SENP6: variants seen among roughly 807,000 people sequenced by gnomAD.
The protein encoded by SENP6 is sentrin-specific protease 6.
A neutral mutation model predicts 134.5 loss-of-function variants in SENP6; 41 were observed. That is an observed-to-expected ratio of 0.30 (90% confidence interval 0.24 to 0.40). The LOEUF is 0.40. Ranked by LOEUF, SENP6 falls within the 10% of genes least tolerant of loss-of-function variation. SENP6 has a pLI of 1.00. For missense variants in SENP6, 1,248 were observed against 1,312.5 expected, an observed-to-expected ratio of 0.95 and a Z score of 0.76; for synonymous variants, 395 against 429.8, an observed-to-expected ratio of 0.92 and a Z score of 1.00.
intron 16 of SENP6, among the ~76,000 whole-genome samples, chr6:75,693,406 A>T (rs1213452490): frequency 8.1e-6 from 1 of 122,892 alleles, no homozygotes; most frequent in Non-Finnish European, 1.8e-5. Flanking sequence ...TCAGTCTGAA[A>T]TTTAAAAAAA....
chr6:75,688,118 C>T (rs1207225282), intron 16 of SENP6, among the ~76,000 whole-genome samples: 1 of 152,242 alleles, frequency 6.6e-6, no homozygotes, highest in African/African-American at 2.4e-5. Flanking sequence ...GCCCCTCCCC[C>T]AGTCAGGCTC....
At chr6:75,604,946 G>T (rs1003505394) in intron 1 of SENP6, among the ~76,000 whole-genome samples, 1 of 152,026 alleles carries the variant, frequency 6.6e-6, no homozygotes, top group Non-Finnish European at 1.5e-5. Flanking sequence ...GGTGGCGCGC[G>T]CCTGTAATCC....
chr6:75,691,852 C>T (rs561229281), intron 16 of SENP6, among the ~76,000 whole-genome samples: 1 of 151,992 alleles, frequency 6.6e-6, no homozygotes, highest in Non-Finnish European at 1.5e-5. Flanking sequence ...CCTCGGCCTC[C>T]CATTGTTTTT....
chr6:75,675,660 C>T, intron 12 of SENP6, 192 bp downstream of exon 12: 1 of 733,882 alleles, frequency 1.4e-6, no homozygotes, highest in South Asian at 1.8e-5. Context: ...TTTTAGAAAC[C>T]CCTTTTCATT....
chr6:75,696,944 T>C (rs140354897), intron 17 of SENP6, among the ~76,000 whole-genome samples: 79 of 152,246 alleles, frequency 5.2e-4, no homozygotes, highest in African/African-American at 1.8e-3. Context: ...ATAATAATAA[T>C]ATATTCTCTT....
In SENP6 at chr6:75,671,102, A is replaced by C. The variant is rs545846339; in HGVS notation, c.1392+382A>C. Among the ~76,000 whole-genome samples, 140 of 152,136 alleles carry C rather than the reference A, an allele frequency of 9.2e-4. 2 individuals carry two copies. Among genetic ancestry groups the C allele is most frequent in the African/African-American group, 3.3e-3 (137 of 41,492 alleles). ...CTGGAAAATGTATTATAGCATCAAG[A>C]CTCCTAGAAATAGATTATTGTACTA... On this transcript the variant is annotated intron_variant, in intron 11 of 23. Coordinates refer to ENST00000447266, the MANE Select transcript of SENP6 (RefSeq NM_015571.4).
intron 11 of SENP6, among the ~76,000 whole-genome samples, chr6:75,673,914 G>A (rs1218933492): frequency 6.6e-6 from 1 of 151,720 alleles, no homozygotes; most frequent in Admixed American, 6.6e-5. Flanking sequence ...CCAGCTACTA[G>A]GGAGGCTGAG....
chr6:75,646,639 A>T, intron 6 of SENP6: 1 of 152,444 alleles, frequency 6.6e-6, no homozygotes. Context: ...GATCAAGACC[A>T]TCCTGGCTAA....
intron 19 of SENP6, among the ~76,000 whole-genome samples, chr6:75,707,600 C>T (rs1775491587): frequency 6.6e-6 from 1 of 152,186 alleles, no homozygotes; most frequent in South Asian, 2.1e-4. Flanking sequence ...TCAAGCAATC[C>T]TCCCATCTCA....
At chr6:75,619,156 C>T (rs2149826958) in intron 1 of SENP6, among the ~76,000 whole-genome samples, 1 of 152,126 alleles carries the variant, frequency 6.6e-6, no homozygotes, top group Non-Finnish European at 1.5e-5. Flanking sequence ...TGTGCAGCCA[C>T]CACCAATATT....
intron 8 of SENP6, among the ~76,000 whole-genome samples, chr6:75,661,282 G>T (rs1461506376): frequency 6.6e-6 from 1 of 152,102 alleles, no homozygotes; most frequent in Non-Finnish European, 1.5e-5. Context: ...TTACCTGTTA[G>T]CTTAGTTTTT....
At chr6:75,704,789 C>T (rs1221015558) in intron 19 of SENP6, among the ~76,000 whole-genome samples, 2 of 152,316 alleles carry the variant, frequency 1.3e-5, no homozygotes, top group East Asian at 3.9e-4. Flanking sequence ...TTCTGCAGCG[C>T]ATTGTGCCCC....
intron 7 of SENP6, among the ~76,000 whole-genome samples, chr6:75,649,114 T>C (rs1770671046): frequency 6.6e-6 from 1 of 151,686 alleles, no homozygotes; most frequent in Non-Finnish European, 1.5e-5. Flanking sequence ...GAGACCAGCC[T>C]GGCCAACATG....
chr6:75,623,730 A>G (rs1170792038), intron 2 of SENP6, among the ~76,000 whole-genome samples, 170 bp from the exon 3 acceptor site: 1 of 152,170 alleles, frequency 6.6e-6, no homozygotes, highest in Admixed American at 6.5e-5. Context: ...CATACAACAT[A>G]TGAGTAGCTG....
chr6:75,634,648 TA>T (rs1345618131), intron 4 of SENP6, 58 bp from the exon 5 acceptor site: 27 of 920,066 alleles, frequency 2.9e-5, no homozygotes, highest in Non-Finnish European at 3.9e-5. Flanking sequence ...AGATTTTTTT[TA>T]TAAATGTGTA....
At chr6:75,625,829 A>C (rs996936989) in intron 3 of SENP6, among the ~76,000 whole-genome samples, 30 of 152,206 alleles carry the variant, frequency 2.0e-4, no homozygotes, top group Admixed American at 1.6e-3. Context: ...AGATTGCGCC[A>C]CTGCACTCCA....
chr6:75,694,412 AATAAAC>A (rs1219360115), intron 16 of SENP6, among the ~76,000 whole-genome samples: 4 of 152,246 alleles, frequency 2.6e-5, no homozygotes, highest in Non-Finnish European at 5.9e-5. Context: ...TTTAAAATGA[AATAAAC>A]AATACATAAT....
intron 21 of SENP6, 63 bp from the exon 22 acceptor site, chr6:75,713,450 T>TA: frequency 7.5e-7 from 1 of 1,328,798 alleles, no homozygotes; most frequent in Non-Finnish European, 1.1e-6. Flanking sequence ...ATGCCACTTT[T>TA]AATCCTTTTA....
rs1767967208 is a variant in SENP6 at position 75,617,679 on chromosome 6, G to A, written c.53-3853G>A. Among the ~76,000 whole-genome samples, 5 of 152,280 alleles carry A rather than the reference G, an allele frequency of 3.3e-5. No homozygotes were observed. The South Asian group carries it at 1.0e-3, about 32-fold the overall frequency. On this transcript the variant is annotated intron_variant, in intron 1 of 23. Coordinates refer to ENST00000447266, the MANE Select transcript of SENP6 (RefSeq NM_015571.4). Reference sequence around the variant, plus strand: ...CACAACTATGAAATTTAACATTTGTGTGATAGTGTTATTACTATTACCTGA... The same window carrying A: ...CACAACTATGAAATTTAACATTTGTATGATAGTGTTATTACTATTACCTGA...
Sources: gnomAD v4.1 joint callset for allele counts (sites outside exome capture counted in the v4.1 genomes callset) on GRCh38, gnomAD v4.1.1 for gene constraint, MANE v1.5 for transcripts, NCBI Gene and HGNC (gene_info 2026-07-23, HGNC 2026-07-21) for gene names.